RBFOX1: variants seen among roughly 807,000 people sequenced by gnomAD.
RBFOX1 encodes the protein RNA binding protein fox-1 homolog 1.
RBFOX1 carries 8 observed loss-of-function variants against 57.7 expected under a neutral mutation model. The observed-to-expected ratio is 0.14, with a 90% CI of 0.08 to 0.25. The LOEUF (loss-of-function observed/expected upper bound fraction) is 0.25, where lower values mean the gene tolerates loss of function less well. Ranked by LOEUF, RBFOX1 falls within the 10% of genes least tolerant of loss-of-function variation. RBFOX1 has a pLI of 1.00. For missense variants in RBFOX1, 611 were observed against 548.5 expected, an observed-to-expected ratio of 1.11 and a Z score of -1.14; for synonymous variants, 326 against 222.4, an observed-to-expected ratio of 1.47 and a Z score of -4.15.
intron 4 of RBFOX1, chr16:7,304,251 C>T (rs901544349): frequency 2.0e-6 from 2 of 981,898 alleles, no homozygotes; most frequent in East Asian, 2.3e-4. Flanking sequence ...AGAGAGACAG[C>T]GCGAGCCACC....
intron 1 of RBFOX1, among the ~76,000 whole-genome samples, chr16:5,418,820 A>G (rs2151480339): frequency 6.6e-6 from 1 of 152,296 alleles, no homozygotes; most frequent in South Asian, 2.1e-4. Flanking sequence ...CCTGGTTAGC[A>G]AAAGAGAAAG....
intron 3 of RBFOX1, among the ~76,000 whole-genome samples, chr16:6,762,172 A>G (rs147425324): frequency 1.4e-3 from 209 of 152,126 alleles, no homozygotes; most frequent in African/African-American, 4.8e-3. Flanking sequence ...TAACAGTAAC[A>G]TAAAAATTCC....
At chr16:6,044,296 G>A (rs1017261841) in intron 1 of RBFOX1, among the ~76,000 whole-genome samples, 6 of 152,148 alleles carry the variant, frequency 3.9e-5, no homozygotes, top group Non-Finnish European at 7.3e-5. Context: ...CAGAAGCCAA[G>A]TGAAATTTCC....
At chr16:6,964,997 T>C (rs1231910984) in intron 3 of RBFOX1, among the ~76,000 whole-genome samples, 1 of 152,106 alleles carries the variant, frequency 6.6e-6, no homozygotes, top group East Asian at 1.9e-4. Flanking sequence ...GCTTCATAAA[T>C]GATGGTGGAA....
chr16:6,924,620 G>C lies in RBFOX1; in HGVS notation c.-15-127437G>C, dbSNP rs117943286. Among the ~76,000 whole-genome samples, 2,069 of 151,986 alleles carry C rather than the reference G, an allele frequency of 0.014. 75 individuals are homozygous for C. In the East Asian group the frequency reaches 0.14, roughly 10 times the overall value. On this transcript the variant is annotated intron_variant, in intron 3 of 15. Transcript: ENST00000550418. ...TTCTTCACCTGCAAAATAATGAGGT[G>C]CAAGTACCTACCTCTTGTCCTTACT...
intron 2 of RBFOX1, among the ~76,000 whole-genome samples, chr16:6,421,683 A>G (rs2093775777): frequency 6.6e-6 from 1 of 152,170 alleles, no homozygotes; most frequent in Non-Finnish European, 1.5e-5. Context: ...TAGATCACAC[A>G]CACAAAAAAT....
intron 1 of RBFOX1, among the ~76,000 whole-genome samples, chr16:5,400,187 G>A (rs924000390): frequency 1.3e-5 from 2 of 151,918 alleles, no homozygotes; most frequent in South Asian, 2.1e-4. Context: ...TGCCTCCCGG[G>A]TTCAAGCGAT....
At chr16:6,076,190 T>G (rs2095897012) in intron 1 of RBFOX1, among the ~76,000 whole-genome samples, 1 of 151,560 alleles carries the variant, frequency 6.6e-6, no homozygotes. Flanking sequence ...TCCCAGCTAC[T>G]CGGGAGGCTG....
Position 5,766,300 on chromosome 16 carries a change from A to T in RBFOX1, c.319-101003A>T, listed in dbSNP as rs1474683718. ...AGGTATCATGCACTTTAAAATACAG[A>T]TCTGGGCTGGGCACGGTGGCTCACG... On this transcript the variant is annotated intron_variant, in intron 3 of 19. Coordinates refer to the RBFOX1 transcript ENST00000641259. Among the ~76,000 whole-genome samples the T allele has an allele frequency of 2.6e-5, 4 of 151,990 alleles. No individual in the cohort carries two copies. The South Asian group carries it at 6.2e-4, about 24-fold the overall frequency.
chr16:7,653,210 T>C (rs1160218452), intron 11 of RBFOX1, among the ~76,000 whole-genome samples: 1 of 152,150 alleles, frequency 6.6e-6, no homozygotes, highest in Non-Finnish European at 1.5e-5. Flanking sequence ...TTTAAAAATA[T>C]GTTTGTGGGT....
intron 2 of RBFOX1, among the ~76,000 whole-genome samples, chr16:5,507,209 A>G (rs919572210): frequency 6.6e-6 from 1 of 152,062 alleles, no homozygotes; most frequent in Non-Finnish European, 1.5e-5. Flanking sequence ...CGAATAAGCA[A>G]CACCAACCAC....
At chr16:6,746,336 G>C (rs9923639) in intron 3 of RBFOX1, among the ~76,000 whole-genome samples, 23,957 of 152,076 alleles carry the variant, frequency 0.16, 2,434 homozygotes, top group East Asian at 0.31. Flanking sequence ...AATTTGGGAA[G>C]ATGAATACTG....
chr16:7,383,616 G>C (rs931596670), intron 4 of RBFOX1, among the ~76,000 whole-genome samples: 11 of 152,050 alleles, frequency 7.2e-5, no homozygotes, highest in Admixed American at 7.2e-4. Context: ...TTTCATATTT[G>C]AGAGCTGAGA....
At chr16:7,299,827 T>G (rs1248591031) in intron 4 of RBFOX1, among the ~76,000 whole-genome samples, 1 of 152,210 alleles carries the variant, frequency 6.6e-6, no homozygotes, top group Non-Finnish European at 1.5e-5. Context: ...GACATGCTCC[T>G]CAGTTTACAA....
At chr16:5,650,469 T>G (rs1446189761) in intron 3 of RBFOX1, among the ~76,000 whole-genome samples, 7 of 152,110 alleles carry the variant, frequency 4.6e-5, no homozygotes, top group Non-Finnish European at 1.5e-5. Context: ...AAATGGAAAA[T>G]AAAGCAGTGG....
intron 1 of RBFOX1, among the ~76,000 whole-genome samples, chr16:6,200,715 C>T (rs559314788): frequency 9.9e-5 from 15 of 152,258 alleles, no homozygotes; most frequent in Non-Finnish European, 2.2e-4. Flanking sequence ...GGGAAGGACA[C>T]GTCTGAAGGG....
chr16:5,546,779 A>C (rs901061650), intron 2 of RBFOX1, among the ~76,000 whole-genome samples: 1 of 152,186 alleles, frequency 6.6e-6, no homozygotes, highest in African/African-American at 2.4e-5. Context: ...AACTTCATCA[A>C]AATTAAAAAC....
chr16:6,718,555 A>G (rs986089337), intron 3 of RBFOX1, among the ~76,000 whole-genome samples: 1 of 152,156 alleles, frequency 6.6e-6, no homozygotes, highest in Non-Finnish European at 1.5e-5. Flanking sequence ...GAGACCTGAC[A>G]TGGTTTGGAT....
chr16:5,955,371 TA>T (rs1359898512), intron 4 of RBFOX1, among the ~76,000 whole-genome samples: 1 of 88,358 alleles, frequency 1.1e-5, no homozygotes, highest in African/African-American at 7.1e-5. Context: ...TAAAATAAAA[TA>T]AAATAAAATA....
Sources: allele counts gnomAD v4.1 joint callset (sites outside exome capture counted in the v4.1 genomes callset), GRCh38; gene constraint gnomAD v4.1.1; transcripts MANE v1.5; gene names NCBI Gene and HGNC (gene_info 2026-07-23, HGNC 2026-07-21).